The following TPTE variants were observed in gnomAD, a reference collection of about 807,000 sequenced individuals.
TPTE encodes transmembrane phosphatase with tensin homology.
In TPTE, 59 loss-of-function variants were observed where a neutral mutation model predicts 84.1. The observed-to-expected ratio is 0.70, with a 90% CI of 0.57 to 0.87. The LOEUF (loss-of-function observed/expected upper bound fraction) is 0.87, where lower values mean the gene tolerates loss of function less well. TPTE is among the 40% of genes least tolerant of loss of function. The pLI is 0.00. For missense variants in TPTE, 382 were observed against 659.6 expected (o/e 0.58, Z 4.61); for synonymous variants, 130 against 223.5 (o/e 0.58, Z 3.73).
chr21:10,527,440 A>G (rs575302460), intron 3 of TPTE, 28 bp downstream of exon 3: 27 of 152,866 alleles, frequency 1.8e-4, no homozygotes, highest in African/African-American at 6.5e-4. Context: ...AGTGGTGAAA[A>G]ATACTGGGAG....
chr21:10,562,422 A>G, intron 10 of TPTE, among the ~76,000 whole-genome samples: 1 of 152,422 alleles, frequency 6.6e-6, no homozygotes, highest in Non-Finnish European at 1.5e-5. Context: ...ATAAGACACC[A>G]GGGGCCAATC....
Position 10,605,666 on chromosome 21 carries a change from T to C in TPTE, c.*114T>C, listed in dbSNP as rs529401010. On this transcript the variant is annotated 3_prime_UTR_variant, in exon 24 of 24. Transcript: ENST00000618007. ...TCCTTGAAGTATTTATTTATGTTTA[T>C]ATATGTTTATATATGTTCTTCATAA... The C allele has an allele frequency of 1.4e-6, 2 of 1,480,284 alleles. No individual in the cohort carries two copies. The highest frequency in any genetic ancestry group is 1.8e-6 in the Non-Finnish European group (2 of 1,107,298). 91.7% of individuals were successfully genotyped at this position (1,480,284 alleles called of 1,614,324 possible).
intron 21 of TPTE, among the ~76,000 whole-genome samples, chr21:10,601,475 C>T (rs879620186): frequency 4.8e-4 from 73 of 152,218 alleles, no homozygotes; most frequent in Non-Finnish European, 6.8e-4. Flanking sequence ...TGTAGCCTGG[C>T]GACAGAGTGA....
At chr21:10,564,787 A>T (rs1243251696) in intron 10 of TPTE, among the ~76,000 whole-genome samples, 2 of 152,308 alleles carry the variant, frequency 1.3e-5, no homozygotes, top group East Asian at 3.8e-4. Context: ...AAAGCATTTG[A>T]TAAAATTCAA....
chr21:10,535,545 A>G (rs1432360394), intron 3 of TPTE, among the ~76,000 whole-genome samples: 1 of 152,308 alleles, frequency 6.6e-6, no homozygotes, highest in Non-Finnish European at 1.5e-5. Flanking sequence ...CATGAAAGGG[A>G]TGCTTCTTCC....
intron 17 of TPTE, among the ~76,000 whole-genome samples, 191 bp from the exon 18 acceptor site, chr21:10,590,271 G>A (rs2075442890): frequency 6.6e-6 from 1 of 152,310 alleles, no homozygotes; most frequent in Admixed American, 6.5e-5. Flanking sequence ...AATGTAATTT[G>A]CCTATTTTTC....
intron 20 of TPTE, among the ~76,000 whole-genome samples, chr21:10,597,770 C>T (rs200107962): frequency 0.014 from 2,033 of 147,042 alleles, no homozygotes; most frequent in South Asian, 0.064. Context: ...TCTAAGTCTT[C>T]GAAGCTGAAC....
intron 7 of TPTE, among the ~76,000 whole-genome samples, chr21:10,547,230 G>T (rs1419768245): frequency 5.3e-5 from 8 of 151,864 alleles, no homozygotes; most frequent in Non-Finnish European, 7.3e-5. Context: ...CTACAAGAAA[G>T]AACCGAGGCA....
chr21:10,565,499 G>GAAAC (rs1182077869), intron 10 of TPTE, among the ~76,000 whole-genome samples: 2 of 152,278 alleles, frequency 1.3e-5, no homozygotes, highest in African/African-American at 4.8e-5. Flanking sequence ...AGAAATAGAA[G>GAAAC]AAACAATCTT....
chr21:10,560,848 G>T (rs1336124155), intron 9 of TPTE, among the ~76,000 whole-genome samples, 182 bp from the exon 10 acceptor site: 1 of 152,300 alleles, frequency 6.6e-6, no homozygotes, highest in African/African-American at 2.4e-5. Flanking sequence ...GCTTCTATTG[G>T]GTGAAAACAG....
intron 4 of TPTE, among the ~76,000 whole-genome samples, chr21:10,539,351 T>A (rs1405666012): frequency 6.6e-6 from 1 of 152,306 alleles, no homozygotes; most frequent in African/African-American, 2.4e-5. Flanking sequence ...CACCACCTCA[T>A]TGGATGCAGC....
rs143624380 is a variant in TPTE at position 10,567,745 on chromosome 21, C to T, written c.522C>T (p.Val174=). ...TTGTGATTCTTCTGCTGGTTGATGTCGTTTACATTTTTTTTGACATTAAGT... is the reference window on the plus strand; with the variant it reads ...TTGTGATTCTTCTGCTGGTTGATGTTGTTTACATTTTTTTTGACATTAAGT... The part of the protein sequence containing the change: ...AIIVILLLVD[V]VYIFFDIKLL... Residue 174 remains valine (V), a synonymous_variant, in exon 11 of 24, where the codon GTC becomes GTT. Transcript: ENST00000618007. 1.7e-4 allele frequency: 280 copies of T among 1,612,630 alleles called. No homozygotes were observed. The Middle Eastern group carries it at 4.2e-3, about 24-fold the overall frequency.
chr21:10,592,427 C>T (rs2075498489), intron 19 of TPTE, 54 bp downstream of exon 19: 2 of 1,594,944 alleles, frequency 1.3e-6, no homozygotes, highest in South Asian at 1.1e-5. Context: ...GTTCAGATTG[C>T]CACCTGTTAT....
chr21:10,562,306 CA>C (rs1345115376), intron 10 of TPTE, among the ~76,000 whole-genome samples: 1 of 152,308 alleles, frequency 6.6e-6, no homozygotes, highest in Non-Finnish European at 1.5e-5. Context: ...ACAATAAATA[CA>C]GTGAAAACTA....
intron 14 of TPTE, among the ~76,000 whole-genome samples, chr21:10,574,024 C>T (rs2075099749): frequency 6.6e-6 from 1 of 152,306 alleles, no homozygotes; most frequent in Non-Finnish European, 1.5e-5. Context: ...AGAATTGTGG[C>T]CGTTTTTGAT....
chr21:10,587,820 G>C (rs1247702184), intron 17 of TPTE, among the ~76,000 whole-genome samples: 2 of 152,308 alleles, frequency 1.3e-5, no homozygotes, highest in Non-Finnish European at 2.9e-5. Flanking sequence ...AAAGTGCTGG[G>C]ATTATAGGCA....
intron 17 of TPTE, among the ~76,000 whole-genome samples, chr21:10,581,841 C>T (rs536141262): frequency 1.4e-4 from 22 of 152,384 alleles, no homozygotes; most frequent in African/African-American, 5.1e-4. Context: ...TCAAGCGATC[C>T]TCCCATCTCA....
intron 5 of TPTE, 144 bp from the exon 6 acceptor site, chr21:10,542,251 G>A (rs1439672442): frequency 9.7e-7 from 1 of 1,032,232 alleles, no homozygotes; most frequent in Non-Finnish European, 1.4e-6. Context: ...AAGAGGAAAA[G>A]ACATTCCAGG....
At chr21:10,554,750 TTC>T (rs1434698356) in intron 8 of TPTE, among the ~76,000 whole-genome samples, 33 of 152,418 alleles carry the variant, frequency 2.2e-4, no homozygotes, top group Admixed American at 1.4e-3. Flanking sequence ...TCACCAAAAT[TTC>T]TGTTTTGAAT....
Sources: allele counts gnomAD v4.1 joint callset (sites outside exome capture counted in the v4.1 genomes callset), GRCh38; gene constraint gnomAD v4.1.1; transcripts MANE v1.5; gene names NCBI Gene and HGNC (gene_info 2026-07-23, HGNC 2026-07-21).